KIAA2012: variants seen among roughly 807,000 people sequenced by gnomAD.
KIAA2012 encodes KIAA2012.
In KIAA2012, 125 loss-of-function variants were observed where a neutral mutation model predicts 150.6. The ratio of observed to expected loss-of-function variants is 0.83; its 90% CI spans 0.72 to 0.96. The LOEUF is 0.96. KIAA2012 is among the 40% of genes least tolerant of loss of function. The probability of loss-of-function intolerance (pLI) is 0.00; values close to 1 mark genes in which losing one functional copy is unlikely to be tolerated. For missense variants in KIAA2012, 1,219 were observed against 1,354.9 expected (o/e 0.90, Z 1.57); for synonymous variants, 462 against 504.7 (o/e 0.92, Z 1.13).
In KIAA2012 at chr2:202,097,415, C is replaced by T. The variant is rs545499437; in HGVS notation, c.686-20C>T. The T allele has an allele frequency of 5.8e-6, 9 of 1,550,082 alleles. No homozygotes were observed. In the South Asian group the frequency reaches 6.0e-5, roughly 10 times the overall value. ...GTCCATTTCCAGGGTGACAAGCTGA[C>T]CCATTGTTCACCATTGCAGGTCAAC... is the stretch of plus-strand genomic sequence containing the variant. On this transcript the variant is annotated intron_variant, in intron 4 of 23. Transcript: ENST00000498697.
chr2:202,169,581 G>A (rs1359871088), intron 15 of KIAA2012, among the ~76,000 whole-genome samples: 5 of 152,154 alleles, frequency 3.3e-5, no homozygotes, highest in Admixed American at 1.3e-4. Flanking sequence ...GGTCTAATTC[G>A]TGGCTAGTGT....
intron 13 of KIAA2012, among the ~76,000 whole-genome samples, chr2:202,146,213 A>G (rs1014397004): frequency 6.6e-6 from 1 of 152,160 alleles, no homozygotes; most frequent in Non-Finnish European, 1.5e-5. Flanking sequence ...TTTAAATCCC[A>G]ACTTCTAGGC....
chr2:202,148,989 C>A (rs945527519), intron 13 of KIAA2012, among the ~76,000 whole-genome samples: 15 of 152,348 alleles, frequency 9.8e-5, no homozygotes, highest in African/African-American at 3.6e-4. Context: ...GGTCCGCAGG[C>A]TGCCATGGGC....
intron 15 of KIAA2012, among the ~76,000 whole-genome samples, chr2:202,172,482 T>C (rs1166836613): frequency 1.3e-5 from 2 of 152,216 alleles, no homozygotes; most frequent in African/African-American, 4.8e-5. Flanking sequence ...TCTTTTATAT[T>C]ATGGATGAAG....
chr2:202,083,791 G>A (rs557524751), intron 2 of KIAA2012, among the ~76,000 whole-genome samples: 5 of 152,232 alleles, frequency 3.3e-5, no homozygotes, highest in African/African-American at 1.2e-4. Context: ...TACCCAACAG[G>A]AGTGCACAAT....
chr2:202,167,245 ATTTCAATTCTTG>A (rs1691788186), intron 15 of KIAA2012, among the ~76,000 whole-genome samples: 2 of 152,090 alleles, frequency 1.3e-5, no homozygotes, highest in South Asian at 2.1e-4. Flanking sequence ...TTCAATTCTT[ATTTCAATTCTTG>A]TTTATTTCCT....
intron 2 of KIAA2012, among the ~76,000 whole-genome samples, chr2:202,083,646 C>T (rs892995585): frequency 6.6e-6 from 1 of 152,000 alleles, no homozygotes; most frequent in South Asian, 2.1e-4. Flanking sequence ...TCCATTCAAT[C>T]GAGCCAACGT....
chr2:202,139,590 C>T (rs1458804600), intron 13 of KIAA2012, among the ~76,000 whole-genome samples: 1 of 152,208 alleles, frequency 6.6e-6, no homozygotes, highest in East Asian at 1.9e-4. Context: ...CTTTCATCTG[C>T]GTGCCTGAGC....
At chr2:202,191,553 C>CA (rs11306656) in intron 19 of KIAA2012, among the ~76,000 whole-genome samples, 1 of 143,858 alleles carries the variant, frequency 7.0e-6, no homozygotes, top group African/African-American at 2.6e-5. Context: ...TATCTCTAAC[C>CA]AAAAAAAAAA....
intron 15 of KIAA2012, chr2:202,179,596 C>T: frequency 1.5e-6 from 1 of 666,082 alleles, no homozygotes. Flanking sequence ...TCTTGTGTAC[C>T]AAGTGCCCAT....
chr2:202,107,886 G>C (rs1454794265), intron 9 of KIAA2012, among the ~76,000 whole-genome samples: 1 of 152,128 alleles, frequency 6.6e-6, no homozygotes, highest in African/African-American at 2.4e-5. Context: ...GCACACACCT[G>C]TAATCCCAGC....
chr2:202,204,155 C>A (rs1692591880), intron 23 of KIAA2012, among the ~76,000 whole-genome samples: 1 of 151,300 alleles, frequency 6.6e-6, no homozygotes. Flanking sequence ...CAGCTCACTG[C>A]AGCTTTGACC....
intron 11 of KIAA2012, among the ~76,000 whole-genome samples, chr2:202,121,655 AG>A (rs1378980393): frequency 6.6e-6 from 1 of 152,224 alleles, no homozygotes; most frequent in Non-Finnish European, 1.5e-5. Flanking sequence ...ACTGAAACAC[AG>A]GGAGCTCACT....
At chr2:202,151,729 C>CT (rs2105950909) in intron 13 of KIAA2012, among the ~76,000 whole-genome samples, 1 of 152,184 alleles carries the variant, frequency 6.6e-6, no homozygotes, top group South Asian at 2.1e-4. Context: ...AAGCACGTGA[C>CT]TTTCATTTTT....
At chr2:202,088,951 G>A (rs1689650146) in intron 2 of KIAA2012, among the ~76,000 whole-genome samples, 1 of 152,170 alleles carries the variant, frequency 6.6e-6, no homozygotes. Context: ...CCATGAGGCA[G>A]AGCAGGCCTT....
intron 22 of KIAA2012, among the ~76,000 whole-genome samples, chr2:202,198,165 G>A (rs1172374539): frequency 3.3e-5 from 4 of 119,430 alleles, no homozygotes; most frequent in African/African-American, 9.5e-5. Flanking sequence ...CAAGAGCAAG[G>A]CTCTTTCTCA....
rs547251372 is a variant in KIAA2012, at chr2:202,097,567, C to T, written c.818C>T (p.Thr273Met). 15 of 1,546,640 alleles carry T rather than the reference C, an allele frequency of 9.7e-6. No homozygotes were observed. Among genetic ancestry groups the T allele is most frequent in the East Asian group, 7.3e-5 (3 of 40,880 alleles). Residue 273 changes from threonine (T) to methionine (M), a missense_variant, in exon 5 of 24, where the codon ACG becomes ATG. Transcript: ENST00000498697. ...AAGCAGCCCTGGCAGGAAGATGAAA[C>T]GCAGGCAGAGGTACCATTTCTTTTT... ...RRKQPWQEDE[T>M]QAEDTSIENH...
At chr2:202,143,075 A>ATTTTTTTTTTTTTTTTTTTTTT (rs59488285) in intron 13 of KIAA2012, among the ~76,000 whole-genome samples, 5 of 124,988 alleles carry the variant, frequency 4.0e-5, no homozygotes, top group Non-Finnish European at 4.9e-5. Flanking sequence ...CACTGGTTTA[A>ATTTTTTTTTTTTTTTTTTTTTT]TTTTTTTTTT....
intron 23 of KIAA2012, among the ~76,000 whole-genome samples, chr2:202,204,111 C>T (rs1377998852): frequency 2.0e-5 from 3 of 146,920 alleles, no homozygotes; most frequent in Non-Finnish European, 3.0e-5. Flanking sequence ...GGGTCTCACT[C>T]TGTCGTCCAA....
Sources: gnomAD v4.1 joint callset for allele counts (sites outside exome capture counted in the v4.1 genomes callset) on GRCh38, gnomAD v4.1.1 for gene constraint, MANE v1.5 for transcripts, NCBI Gene and HGNC (gene_info 2026-07-23, HGNC 2026-07-21) for gene names.